PCCA: variants seen among roughly 807,000 people sequenced by gnomAD.
PCCA encodes the protein propionyl-CoA carboxylase subunit alpha.
A neutral mutation model predicts 101.3 loss-of-function variants in PCCA; 74 were observed. The observed-to-expected ratio is 0.73, with a 90% CI of 0.61 to 0.89. The LOEUF (loss-of-function observed/expected upper bound fraction) is 0.89, where lower values mean the gene tolerates loss of function less well. PCCA is among the 40% of genes least tolerant of loss of function. PCCA has a pLI of 0.00. For synonymous variants in PCCA, 294 were observed against 313.6 expected, an observed-to-expected ratio of 0.94 and a Z score of 0.66; for missense variants, 891 against 907.0, an observed-to-expected ratio of 0.98 and a Z score of 0.23.
intron 18 of PCCA, among the ~76,000 whole-genome samples, chr13:100,366,790 ATT>A (rs370987593): frequency 2.0e-5 from 3 of 149,336 alleles, no homozygotes; most frequent in Non-Finnish European, 3.0e-5. Context: ...TTGTTGATGC[ATT>A]TTTTTTTTAC....
intron 18 of PCCA, among the ~76,000 whole-genome samples, chr13:100,346,113 G>A (rs1566970925): frequency 6.6e-6 from 1 of 152,170 alleles, no homozygotes; most frequent in African/African-American, 2.4e-5. Flanking sequence ...TCATTCTGTA[G>A]CTCATGGATC....
At chr13:100,281,075 A>C (rs749714708) in intron 12 of PCCA, among the ~76,000 whole-genome samples, 58 of 152,214 alleles carry the variant, frequency 3.8e-4, no homozygotes, top group Non-Finnish European at 6.3e-4. Flanking sequence ...CTCAGTGCTT[A>C]TGTTCAAGTC....
chr13:100,412,969 G>T (rs984865322), intron 19 of PCCA, among the ~76,000 whole-genome samples: 5 of 152,068 alleles, frequency 3.3e-5, no homozygotes, highest in African/African-American at 1.2e-4. Flanking sequence ...TATTAAACAT[G>T]TTATTTGTAT....
intron 12 of PCCA, chr13:100,293,158 C>A (rs981498478): frequency 4.3e-6 from 2 of 466,874 alleles, no homozygotes; most frequent in Non-Finnish European, 8.9e-6. Flanking sequence ...TCTTTGAGAA[C>A]AGACAGGTAA....
At chr13:100,185,987 G>A (rs531422813) in intron 6 of PCCA, among the ~76,000 whole-genome samples, 1 of 152,294 alleles carries the variant, frequency 6.6e-6, no homozygotes, top group South Asian at 2.1e-4. Flanking sequence ...CTGCTTAGAA[G>A]TATTGTGCAT....
intron 7 of PCCA, among the ~76,000 whole-genome samples, chr13:100,212,303 C>T (rs370621928): frequency 1.8e-4 from 28 of 152,178 alleles, no homozygotes; most frequent in African/African-American, 6.0e-4. Context: ...TTTTCCACTA[C>T]AGTGGTAGAG....
chr13:100,233,166 A>T, intron 7 of PCCA, among the ~76,000 whole-genome samples: 1 of 152,222 alleles, frequency 6.6e-6, no homozygotes. Context: ...AACAAAAGAT[A>T]ACGTGTCCTC....
At chr13:100,163,288 C>G (rs988550182) in intron 6 of PCCA, among the ~76,000 whole-genome samples, 10 of 152,096 alleles carry the variant, frequency 6.6e-5, no homozygotes, top group Non-Finnish European at 1.3e-4. Flanking sequence ...CCTTACTGCC[C>G]TATGTATCTA....
intron 21 of PCCA, among the ~76,000 whole-genome samples, chr13:100,477,055 A>G (rs994937830): frequency 6.6e-6 from 1 of 152,232 alleles, no homozygotes; most frequent in Non-Finnish European, 1.5e-5. Flanking sequence ...TTTATATACA[A>G]AAGGTAATTT....
At chr13:100,481,500 G>A (rs1017472543) in intron 21 of PCCA, among the ~76,000 whole-genome samples, 1 of 152,152 alleles carries the variant, frequency 6.6e-6, no homozygotes, top group Admixed American at 6.5e-5. Flanking sequence ...GGAGGTTACA[G>A]CGAGCCAAGA....
intron 7 of PCCA, among the ~76,000 whole-genome samples, chr13:100,210,664 T>G (rs1482067483): frequency 1.3e-5 from 2 of 152,160 alleles, no homozygotes; most frequent in Non-Finnish European, 2.9e-5. Context: ...AATTATTCTG[T>G]TTTTTTCTAG....
intron 6 of PCCA, among the ~76,000 whole-genome samples, chr13:100,200,298 G>C (rs1037986078): frequency 1.3e-5 from 2 of 152,084 alleles, no homozygotes; most frequent in African/African-American, 2.4e-5. Context: ...TATAGATGGG[G>C]TTTCACCATG....
At chr13:100,407,848 T>A (rs1271119791) in intron 19 of PCCA, among the ~76,000 whole-genome samples, 1 of 152,210 alleles carries the variant, frequency 6.6e-6, no homozygotes, top group Non-Finnish European at 1.5e-5. Context: ...CCTAGCAATT[T>A]TTAACTTTTT....
intron 6 of PCCA, among the ~76,000 whole-genome samples, chr13:100,166,196 C>G (rs1487427473): frequency 6.6e-6 from 1 of 152,102 alleles, no homozygotes; most frequent in Non-Finnish European, 1.5e-5. Context: ...TTTGCATTTA[C>G]TAGAATTTTA....
intron 4 of PCCA, among the ~76,000 whole-genome samples, chr13:100,154,257 T>C (rs1180268984): frequency 1.3e-5 from 2 of 152,240 alleles, no homozygotes; most frequent in Non-Finnish European, 2.9e-5. Context: ...CTCTTTTTCA[T>C]ATTGAATGCT....
intron 21 of PCCA, among the ~76,000 whole-genome samples, chr13:100,512,482 ATTT>A (rs900806072): frequency 6.6e-6 from 1 of 151,942 alleles, no homozygotes; most frequent in Non-Finnish European, 1.5e-5. Context: ...TTTCAAGAAC[ATTT>A]TTTTTCATTT....
chr13:100,372,036 A>G (rs2075606654), intron 19 of PCCA, among the ~76,000 whole-genome samples: 1 of 152,204 alleles, frequency 6.6e-6, no homozygotes, highest in South Asian at 2.1e-4. Context: ...TAATGCTATA[A>G]AATTCTTAGA....
intron 19 of PCCA, among the ~76,000 whole-genome samples, chr13:100,417,978 T>G (rs1223715126): frequency 6.6e-6 from 1 of 152,072 alleles, no homozygotes; most frequent in East Asian, 1.9e-4. Flanking sequence ...TTGGCAACCT[T>G]CAGCTCCCCT....
At chr13:100,179,665 G>C (rs930062502) in intron 6 of PCCA, among the ~76,000 whole-genome samples, 1 of 152,112 alleles carries the variant, frequency 6.6e-6, no homozygotes, top group Non-Finnish European at 1.5e-5. Flanking sequence ...AAGGATTAGT[G>C]CCTGACCCAA....
Sources: allele counts gnomAD v4.1 joint callset (sites outside exome capture counted in the v4.1 genomes callset), GRCh38; gene constraint gnomAD v4.1.1; transcripts MANE v1.5; gene names NCBI Gene and HGNC (gene_info 2026-07-23, HGNC 2026-07-21).